COL25A1: variants seen among roughly 807,000 people sequenced by gnomAD.
COL25A1 encodes collagen type XXV alpha 1 chain, also known as collagen alpha-1(XXV) chain.
In COL25A1, 103 loss-of-function variants were observed where a neutral mutation model predicts 128.4. The ratio of observed to expected loss-of-function variants is 0.80; its 90% CI spans 0.68 to 0.94. The LOEUF is 0.94. Ranked by LOEUF, COL25A1 falls within the 40% of genes least tolerant of loss-of-function variation. The pLI is 0.00. For synonymous variants in COL25A1, 279 were observed against 277.2 expected (o/e 1.01, Z -0.06); for missense variants, 745 against 840.0 (o/e 0.89, Z 1.40).
chr4:109,052,025 C>A lies in COL25A1; in HGVS notation c.368-1846G>T, dbSNP rs578222817. On this transcript the variant is annotated intron_variant, in intron 3 of 37. Transcript: ENST00000399132. ...CAACAATGGTGCCAGAAAGGCCCAG[C>A]CCTGATTTGTACATGTCTTAGAGGC... Among the ~76,000 whole-genome samples the A allele has an allele frequency of 2.0e-5, 3 of 152,228 alleles. No individual in the cohort carries two copies. The East Asian group carries it at 5.8e-4, about 29-fold the overall frequency.
At position 108,859,736 on chromosome 4, in the gene COL25A1, A is replaced by G; in HGVS notation, c.1243-3T>C. The stretch of plus-strand genomic sequence containing the variant: ...TCCCCTTTTTGACCAGGTGGACCCT[A>G]TGACAAAACCAATCAAGGGAAAATC... On this transcript the variant is annotated splice_region_variant and splice_polypyrimidine_tract_variant and intron_variant, in intron 23 of 37. Coordinates refer to ENST00000399132, the MANE Select transcript of COL25A1 (RefSeq NM_198721.4). 6.2e-7 allele frequency: 1 copy of G among 1,613,246 alleles called. No individual in the cohort carries two copies. Among genetic ancestry groups the G allele is most frequent in the East Asian group, 2.2e-5 (1 of 44,856 alleles).
chr4:109,208,238 A>G (rs1777166962), intron 3 of COL25A1, among the ~76,000 whole-genome samples: 1 of 152,192 alleles, frequency 6.6e-6, no homozygotes, highest in South Asian at 2.1e-4. Context: ...AATGAGTTCC[A>G]TCTACGAGGT....
chr4:109,088,485 C>G (rs1224754835), intron 3 of COL25A1, among the ~76,000 whole-genome samples: 1 of 152,038 alleles, frequency 6.6e-6, no homozygotes, highest in African/African-American at 2.4e-5. Context: ...TAATACTGTA[C>G]TAAAATGGTT....
At chr4:109,129,264 G>C (rs572576577) in intron 3 of COL25A1, among the ~76,000 whole-genome samples, 2 of 152,058 alleles carry the variant, frequency 1.3e-5, no homozygotes, top group African/African-American at 4.8e-5. Context: ...CGAGTAGGTG[G>C]GATTACAGGC....
intron 32 of COL25A1, among the ~76,000 whole-genome samples, chr4:108,828,836 CT>C (rs1437263072): frequency 1.3e-5 from 2 of 152,174 alleles, no homozygotes; most frequent in Non-Finnish European, 2.9e-5. Context: ...CCAGGTTCAG[CT>C]GATAACAGTG....
intron 3 of COL25A1, among the ~76,000 whole-genome samples, chr4:109,107,421 T>C (rs3108932): frequency 0.21 from 32,291 of 152,138 alleles, 4,082 homozygotes; most frequent in East Asian, 0.39. Flanking sequence ...TGTAACAATT[T>C]AGGAGTAATA....
chr4:108,925,664 GTTT>G (rs1190285938), intron 11 of COL25A1, among the ~76,000 whole-genome samples: 2 of 152,118 alleles, frequency 1.3e-5, no homozygotes, highest in Non-Finnish European at 2.9e-5. Flanking sequence ...AGCAAATCAG[GTTT>G]TTTTATTTTT....
chr4:109,295,711 A>G lies in COL25A1; in HGVS notation c.367+4872T>C, dbSNP rs556968720. Among the ~76,000 whole-genome samples the G allele has an allele frequency of 3.9e-5, 6 of 152,220 alleles. No individual in the cohort carries two copies. In the South Asian group the frequency reaches 6.2e-4, roughly 16 times the overall value. ...AATGGGAAAGAGTACACAACCATCA[A>G]GCTACAGCTAACATTTATTTCCACC... On this transcript the variant is annotated intron_variant, in intron 3 of 37. Coordinates refer to ENST00000399132, the MANE Select transcript of COL25A1 (RefSeq NM_198721.4).
At chr4:109,278,155 A>G (rs1347785282) in intron 3 of COL25A1, among the ~76,000 whole-genome samples, 1 of 152,104 alleles carries the variant, frequency 6.6e-6, no homozygotes, top group Non-Finnish European at 1.5e-5. Context: ...AAGAAGTGCT[A>G]TTACTTTAAT....
chr4:108,918,843 G>A (rs149327441), intron 12 of COL25A1, among the ~76,000 whole-genome samples: 15 of 152,200 alleles, frequency 9.9e-5, no homozygotes, highest in Non-Finnish European at 1.9e-4. Flanking sequence ...GTGTAAGCAC[G>A]TGTGGGCGTG....
intron 3 of COL25A1, among the ~76,000 whole-genome samples, chr4:109,197,064 T>G (rs1366117783): frequency 2.0e-5 from 3 of 151,864 alleles, no homozygotes; most frequent in Non-Finnish European, 4.4e-5. Flanking sequence ...ACACCTGTAA[T>G]CCCAGCATTT....
chr4:109,231,387 T>G (rs1490418107), intron 3 of COL25A1, among the ~76,000 whole-genome samples: 1 of 152,182 alleles, frequency 6.6e-6, no homozygotes, highest in African/African-American at 2.4e-5. Flanking sequence ...ATTATTTAGT[T>G]CAACTTCCTC....
At chr4:108,849,226 T>TA (rs1735479060) in intron 26 of COL25A1, among the ~76,000 whole-genome samples, 1 of 152,078 alleles carries the variant, frequency 6.6e-6, no homozygotes, top group Non-Finnish European at 1.5e-5. Context: ...ACAGTTAACC[T>TA]AAAAAAGTAA....
chr4:109,192,860 A>T (rs1051974621), intron 3 of COL25A1, among the ~76,000 whole-genome samples: 5 of 143,918 alleles, frequency 3.5e-5, no homozygotes, highest in South Asian at 2.2e-4. Flanking sequence ...TCTCAAAATT[A>T]AAAAAAAAAA....
At chr4:109,294,748 C>T (rs1473515361) in intron 3 of COL25A1, among the ~76,000 whole-genome samples, 1 of 152,026 alleles carries the variant, frequency 6.6e-6, no homozygotes. Context: ...AAACCTTTTT[C>T]ATGATAGGTT....
At chr4:108,863,492 C>T in intron 20 of COL25A1, 105 bp from the exon 21 acceptor site, 7 of 846,624 alleles carry the variant, frequency 8.3e-6, no homozygotes, top group Non-Finnish European at 1.1e-5. Flanking sequence ...AGAGAGTTTT[C>T]ATTGATTTAC....
intron 3 of COL25A1, among the ~76,000 whole-genome samples, chr4:109,133,721 T>C (rs1040626826): frequency 6.6e-6 from 1 of 152,156 alleles, no homozygotes; most frequent in Non-Finnish European, 1.5e-5. Flanking sequence ...ACTCAAAAAA[T>C]ATTTTAAAGT....
intron 3 of COL25A1, among the ~76,000 whole-genome samples, chr4:109,098,893 T>C (rs1460916139): frequency 6.6e-6 from 1 of 152,192 alleles, no homozygotes; most frequent in Non-Finnish European, 1.5e-5. Flanking sequence ...AAAGCATGGA[T>C]TTTGAAATCA....
intron 3 of COL25A1, among the ~76,000 whole-genome samples, chr4:109,067,777 A>G (rs1015488568): frequency 1.3e-5 from 2 of 152,228 alleles, no homozygotes; most frequent in Non-Finnish European, 2.9e-5. Flanking sequence ...TTAAGGAGGA[A>G]AAGAAGCAAA....
Sources: gnomAD v4.1 joint callset for allele counts (sites outside exome capture counted in the v4.1 genomes callset) on GRCh38, gnomAD v4.1.1 for gene constraint, MANE v1.5 for transcripts, NCBI Gene and HGNC (gene_info 2026-07-23, HGNC 2026-07-21) for gene names.